The following USP36 variants were observed in gnomAD, a reference collection of about 807,000 sequenced individuals.
USP36 encodes the protein ubiquitin specific peptidase 36.
A neutral mutation model predicts 111.5 loss-of-function variants in USP36; 59 were observed. The observed-to-expected ratio is 0.53, with a 90% confidence interval of 0.43 to 0.66. The LOEUF (loss-of-function observed/expected upper bound fraction) is 0.66. USP36 is among the 30% of genes least tolerant of loss of function. The pLI is 0.00. For missense variants in USP36, 1,488 were observed against 1,468.0 expected (o/e 1.01, Z -0.22); for synonymous variants, 628 against 581.0 (o/e 1.08, Z -1.16).
At position 78,836,269 on chromosome 17, in the gene USP36, G is replaced by A. The variant is rs1048738512; in HGVS notation, c.95C>T (p.Ala32Val). The A allele has an allele frequency of 6.2e-7, 1 of 1,614,022 alleles. No homozygotes were observed. Among genetic ancestry groups the A allele is most frequent in the Admixed American group, 1.7e-5 (1 of 59,996 alleles). ...GATTTTCTGTAAAAGGACCTTCTTG[G>A]CAGAGGAGGCAAGAAGCTTCCCCAG... Reference protein sequence around the residue: ...GELGKLLASSAKKVLLQKIEF... With the variant: ...GELGKLLASSVKKVLLQKIEF... The change falls in exon 3 of 21, where the codon GCC (alanine) becomes GTC (valine). Residue 32 changes from alanine to valine, a missense_variant. By Grantham distance (64) the Ala-to-Val change is moderately conservative. Around this residue, in one of 3 missense-constraint regions of USP36, gnomAD observed 219 missense variants for 209.5 expected, o/e 1.05. Transcript: ENST00000449938.
chr17:78,831,507 G>A (rs995514779), intron 4 of USP36, among the ~76,000 whole-genome samples: 4 of 151,990 alleles, frequency 2.6e-5, no homozygotes, highest in Non-Finnish European at 5.9e-5. Flanking sequence ...CAGCTACTTG[G>A]GAGGATGAGG....
At position 78,827,208 on chromosome 17, in the gene USP36, T is replaced by C. The variant is rs776499296; in HGVS notation, c.689+37A>G. On this transcript the variant is annotated intron_variant, in intron 6 of 20. Coordinates refer to ENST00000449938, the MANE Select transcript of USP36 (RefSeq NM_001385174.1). Reference sequence around the variant, plus strand: ...CTGCTGCCACCATGTAGAAAAGGTGTCCAAAGCCCTGGGAGGGTGGGTGGG... The same window carrying C: ...CTGCTGCCACCATGTAGAAAAGGTGCCCAAAGCCCTGGGAGGGTGGGTGGG... 25 of 1,227,612 alleles carry C rather than the reference T, an allele frequency of 2.0e-5. 1 individual carries two copies. The Admixed American group carries it at 4.3e-4, about 21-fold the overall frequency. The allele number at this position is 1,227,612 out of a possible 1,614,324, so 76.0% of individuals were successfully genotyped here.
At chr17:78,816,646 C>A (rs1417220186) in intron 10 of USP36, among the ~76,000 whole-genome samples, 6 of 151,554 alleles carry the variant, frequency 4.0e-5, no homozygotes, top group Admixed American at 6.6e-5. Flanking sequence ...ACAAAAAAAC[C>A]AAAATTTTTT....
chr17:78,840,557 G>A (rs1400557232), intron 1 of USP36, 179 bp downstream of exon 1: 3 of 152,254 alleles, frequency 2.0e-5, no homozygotes, highest in Non-Finnish European at 2.9e-5. Context: ...TCGCGAGCGG[G>A]CGGAGCATCC....
chr17:78,834,898 G>A (rs1458869683), intron 4 of USP36, among the ~76,000 whole-genome samples: 1 of 151,894 alleles, frequency 6.6e-6, no homozygotes, highest in Non-Finnish European at 1.5e-5. Flanking sequence ...GGAGGATCAT[G>A]TGAGCCCAGG....
At chr17:78,840,712 C>G (rs2069215150) in intron 1 of USP36, 24 bp downstream of exon 1, 1 of 152,584 alleles carries the variant, frequency 6.6e-6, no homozygotes, top group Admixed American at 6.5e-5. Context: ...GCCTGCGCAC[C>G]GCCCCGACCC....
intron 4 of USP36, among the ~76,000 whole-genome samples, chr17:78,829,679 G>A (rs78771345): frequency 8.5e-5 from 13 of 152,200 alleles, no homozygotes; most frequent in Non-Finnish European, 1.9e-4. Context: ...CACACAGAGA[G>A]CAGGCCAGAT....
Position 78,821,927 on chromosome 17 carries a change from C to T in USP36, c.757+10G>A. Reference sequence around the variant, plus strand: ...TGGCAAGAAGCAGTAGAACAAACGTCTCCACTTACCGCGTGATCTGAGATA... The same window carrying T: ...TGGCAAGAAGCAGTAGAACAAACGTTTCCACTTACCGCGTGATCTGAGATA... On this transcript the variant is annotated intron_variant, in intron 7 of 20. Transcript: ENST00000449938. The T allele has an allele frequency of 6.2e-7, 1 of 1,614,110 alleles. No individual in the cohort carries two copies. The highest frequency in any genetic ancestry group is 1.1e-5 in the South Asian group (1 of 91,078).
In USP36 at chr17:78,796,606, G is replaced by A. The variant is rs999742114; in HGVS notation, c.*1294C>T. On this transcript the variant is annotated 3_prime_UTR_variant, in exon 21 of 21. Coordinates refer to ENST00000449938, the MANE Select transcript of USP36 (RefSeq NM_001385174.1). ...AAAAAGCAATTCCATCTACACGCCA[G>A]TAACCACCCAGGCCCCGAGCACAGG... is the stretch of plus-strand genomic sequence containing the variant. 6.6e-6 allele frequency: 1 copy of A among 152,302 alleles called. No individual in the cohort carries two copies. Among genetic ancestry groups the A allele is most frequent in the Non-Finnish European group, 1.5e-5 (1 of 68,052 alleles). The allele number at this position is 152,302 out of a possible 1,614,324, so 9.4% of individuals were successfully genotyped here.
chr17:78,822,114 G>A, intron 6 of USP36, 110 bp from the exon 7 acceptor site: 1 of 1,284,092 alleles, frequency 7.8e-7, no homozygotes, highest in African/African-American at 1.5e-5. Flanking sequence ...CGTGAGGCTG[G>A]GAAACTCCAC....
intron 11 of USP36, 35 bp from the exon 12 acceptor site, chr17:78,813,908 A>C: frequency 6.3e-7 from 1 of 1,581,288 alleles, no homozygotes; most frequent in East Asian, 2.2e-5. Flanking sequence ...AAAACAAAAC[A>C]ATCAACAAGC....
chr17:78,831,846 G>A (rs1048376163), intron 4 of USP36, among the ~76,000 whole-genome samples: 1 of 151,484 alleles, frequency 6.6e-6, no homozygotes, highest in Non-Finnish European at 1.5e-5. Context: ...CTACTTGGGA[G>A]GCTAAGGTGG....
chr17:78,819,882 A>C (rs369599902), intron 9 of USP36, 48 bp downstream of exon 9: 37 of 1,596,194 alleles, frequency 2.3e-5, no homozygotes, highest in African/African-American at 4.0e-5. Context: ...GAGGGGACTT[A>C]TTTCCCGTCT....
chr17:78,813,959 TGTTA>T, intron 11 of USP36, 86 bp from the exon 12 acceptor site: 1 of 1,126,748 alleles, frequency 8.9e-7, no homozygotes, highest in Non-Finnish European at 1.3e-6. Flanking sequence ...ATAAAAAATC[TGTTA>T]GTTGCTACAT....
At chr17:78,792,899 A>G (rs2093595157), downstream of USP36, among the ~76,000 whole-genome samples, 1 of 152,068 alleles carries the variant, frequency 6.6e-6, no homozygotes, top group African/African-American at 2.4e-5. Context: ...TATTTTTAGT[A>G]GAGACAGGGT....
At chr17:78,804,022 C>T (rs749241898) in intron 15 of USP36, 44 bp from the exon 16 acceptor site, 1 of 1,417,928 alleles carries the variant, frequency 7.1e-7, no homozygotes, top group Non-Finnish European at 9.6e-7. Context: ...TTCTGAAAGA[C>T]CCAGCAGAGC....
In USP36 at chr17:78,813,777, G is replaced by A; in HGVS notation, c.1261C>T (p.Leu421=). ...GGGAGGGCGTGAGTTTATTACCGCA[G>A]ATAGAACAGCACGTAGGCCTGCTGG... ...LNQQAYVLFY[L]RIPGSKKSPE... is the part of the protein sequence containing the mutation. Residue 421 remains leucine (L), a synonymous_variant, in exon 12 of 21, where the codon CTG becomes TTG. Transcript: ENST00000449938. 1 of 1,613,966 alleles carries A rather than the reference G, an allele frequency of 6.2e-7. No homozygotes were observed. Among genetic ancestry groups the A allele is most frequent in the African/African-American group, 1.3e-5 (1 of 75,034 alleles).
At chr17:78,827,838 G>A (rs1352385021) in intron 5 of USP36, among the ~76,000 whole-genome samples, 4 of 152,234 alleles carry the variant, frequency 2.6e-5, no homozygotes. Flanking sequence ...GAGCCTAGGA[G>A]GTTGAGGCTG....
In USP36 at chr17:78,818,786, G is replaced by C. The variant is rs1472595437; in HGVS notation, c.912-8C>G. ...GGAACCTTCTTCTTGCATCTATGAA[G>C]AAGGTGATGAGAAAGATTAATGAAT... On this transcript the variant is annotated splice_region_variant and splice_polypyrimidine_tract_variant and intron_variant, in intron 9 of 20. Transcript: ENST00000449938. The C allele has an allele frequency of 6.8e-6, 11 of 1,613,314 alleles. No homozygotes were observed. Among genetic ancestry groups the C allele is most frequent in the Non-Finnish European group, 8.5e-6 (10 of 1,179,422 alleles).
Sources: allele counts gnomAD v4.1 joint callset (sites outside exome capture counted in the v4.1 genomes callset), GRCh38; gene constraint gnomAD v4.1.1; regional missense constraint gnomAD v4.1.1; transcripts MANE v1.5; gene names NCBI Gene and HGNC (gene_info 2026-07-23, HGNC 2026-07-21).